HIVEP3: variants seen among roughly 807,000 people sequenced by gnomAD.
The protein encoded by HIVEP3 is transcription factor HIVEP3.
In HIVEP3, 49 loss-of-function variants were observed where a neutral mutation model predicts 152.8. The ratio of observed to expected loss-of-function variants is 0.32; its 90% confidence interval spans 0.26 to 0.41. HIVEP3 has a LOEUF of 0.41. Ranked by LOEUF, HIVEP3 falls within the 10% of genes least tolerant of loss-of-function variation. HIVEP3 has a pLI of 1.00. For synonymous variants in HIVEP3, 1,269 were observed against 1,289.0 expected (o/e 0.98, Z 0.33); for missense variants, 2,790 against 3,103.3 (o/e 0.90, Z 2.40).
intron 1 of HIVEP3, among the ~76,000 whole-genome samples, chr1:41,745,542 A>G (rs999714847): frequency 6.6e-6 from 1 of 152,214 alleles, no homozygotes; most frequent in Admixed American, 6.5e-5. Flanking sequence ...CTGACCCTGG[A>G]GACAAGGGCA....
At chr1:41,606,973 T>G (rs1444685092) in intron 3 of HIVEP3, among the ~76,000 whole-genome samples, 1 of 152,006 alleles carries the variant, frequency 6.6e-6, no homozygotes, top group Non-Finnish European at 1.5e-5. Context: ...AAAATCTGTG[T>G]GTGTTTCTTT....
chr1:42,003,992 C>A (rs979297302), intron 1 of HIVEP3, among the ~76,000 whole-genome samples: 1 of 152,136 alleles, frequency 6.6e-6, no homozygotes, highest in African/African-American at 2.4e-5. Context: ...TAAATCCGGG[C>A]AGAGTGACAA....
At chr1:41,614,429 G>A (rs1408522328) in intron 3 of HIVEP3, among the ~76,000 whole-genome samples, 1 of 152,184 alleles carries the variant, frequency 6.6e-6, no homozygotes, top group Non-Finnish European at 1.5e-5. Flanking sequence ...CATCCCAACT[G>A]CTTTGCCACC....
At chr1:41,615,675 C>T (rs1024896122) in intron 3 of HIVEP3, among the ~76,000 whole-genome samples, 2 of 152,104 alleles carry the variant, frequency 1.3e-5, no homozygotes, top group Non-Finnish European at 2.9e-5. Flanking sequence ...TCAGGGCAAG[C>T]CCGGTGGGGG....
intron 1 of HIVEP3, among the ~76,000 whole-genome samples, chr1:41,702,118 T>C (rs1321922409): frequency 6.6e-6 from 1 of 151,962 alleles, no homozygotes; most frequent in East Asian, 1.9e-4. Context: ...AATGAGATAG[T>C]AGAAAGCATC....
chr1:41,655,974 C>G (rs1193630497), intron 2 of HIVEP3, among the ~76,000 whole-genome samples: 1 of 152,174 alleles, frequency 6.6e-6, no homozygotes, highest in African/African-American at 2.4e-5. Context: ...CAAATCAGAG[C>G]AAAGCTATTT....
intron 1 of HIVEP3, among the ~76,000 whole-genome samples, chr1:41,870,386 A>G (rs1402484365): frequency 6.6e-6 from 1 of 152,200 alleles, no homozygotes; most frequent in Admixed American, 6.5e-5. Context: ...AAATAATCAC[A>G]CACACAATAC....
chr1:41,679,741 C>A (rs974343550), intron 2 of HIVEP3, among the ~76,000 whole-genome samples: 1 of 152,210 alleles, frequency 6.6e-6, no homozygotes. Flanking sequence ...TCAGCCTGCC[C>A]AGACCTGGGA....
intron 1 of HIVEP3, among the ~76,000 whole-genome samples, chr1:41,740,271 G>T (rs904983626): frequency 6.6e-6 from 1 of 152,242 alleles, no homozygotes; most frequent in African/African-American, 2.4e-5. Flanking sequence ...AGTCTCCAAG[G>T]CCATCCTGAA....
chr1:41,756,446 A>C (rs1433753209), intron 1 of HIVEP3, among the ~76,000 whole-genome samples: 3 of 152,236 alleles, frequency 2.0e-5, no homozygotes, highest in African/African-American at 7.2e-5. Flanking sequence ...CCACGGATTG[A>C]TTCCTGGTTC....
rs1645141722 is a variant in HIVEP3, at chr1:41,956,580, A to C, written n.120-38056T>G. Among the ~76,000 whole-genome samples the C allele has an allele frequency of 2.0e-5, 3 of 152,144 alleles. No individual in the cohort carries two copies. The South Asian group carries it at 6.2e-4, about 31-fold the overall frequency. ...TCACATGGTCTAAGTATTAGGATTTATTGTCTTATTTCCATGCTTGTGTTG... is the reference window on the plus strand; with the variant it reads ...TCACATGGTCTAAGTATTAGGATTTCTTGTCTTATTTCCATGCTTGTGTTG... On this transcript the variant is annotated intron_variant and non_coding_transcript_variant, in intron 1 of 3. Transcript: ENST00000489103.
chr1:41,576,312 G>C (rs1048711336), intron 4 of HIVEP3, among the ~76,000 whole-genome samples: 9 of 152,222 alleles, frequency 5.9e-5, no homozygotes, highest in African/African-American at 2.2e-4. Flanking sequence ...CAGGCACAGA[G>C]AGGCTGTGCA....
intron 1 of HIVEP3, among the ~76,000 whole-genome samples, chr1:41,799,335 G>T (rs913399824): frequency 2.0e-5 from 3 of 152,128 alleles, no homozygotes; most frequent in Non-Finnish European, 2.9e-5. Flanking sequence ...ATTCGCCCTA[G>T]AACTGTTTGT....
At chr1:41,825,339 T>C (rs1390132894) in intron 1 of HIVEP3, among the ~76,000 whole-genome samples, 3 of 152,012 alleles carry the variant, frequency 2.0e-5, no homozygotes, top group Non-Finnish European at 4.4e-5. Context: ...TATCACAAAA[T>C]ACATTATCAC....
At chr1:41,964,721 G>A (rs1025452186) in intron 1 of HIVEP3, among the ~76,000 whole-genome samples, 2 of 152,296 alleles carry the variant, frequency 1.3e-5, no homozygotes, top group South Asian at 2.1e-4. Flanking sequence ...CCAGAATGTC[G>A]GCAATTCCAG....
intron 1 of HIVEP3, among the ~76,000 whole-genome samples, chr1:41,884,085 C>T (rs1430247593): frequency 1.3e-5 from 2 of 152,156 alleles, no homozygotes; most frequent in Non-Finnish European, 2.9e-5. Context: ...CGTGCCTCAG[C>T]CTCCCTGGTA....
chr1:41,657,358 G>A (rs370799355), intron 2 of HIVEP3, among the ~76,000 whole-genome samples: 2 of 152,150 alleles, frequency 1.3e-5, no homozygotes, highest in African/African-American at 4.8e-5. Context: ...TGCTGGCCCT[G>A]GTCCCCATTC....
At chr1:41,782,310 A>G (rs1052248243) in intron 1 of HIVEP3, among the ~76,000 whole-genome samples, 1 of 152,234 alleles carries the variant, frequency 6.6e-6, no homozygotes, top group African/African-American at 2.4e-5. Flanking sequence ...GGCTGTGGGC[A>G]GAAGGGAAAG....
intron 1 of HIVEP3, among the ~76,000 whole-genome samples, chr1:41,826,876 A>G (rs536462357): frequency 1.3e-5 from 2 of 152,340 alleles, no homozygotes; most frequent in Admixed American, 1.3e-4. Context: ...TGCACTTGGT[A>G]CCCAGCTGGC....
Sources: allele counts gnomAD v4.1 joint callset (sites outside exome capture counted in the v4.1 genomes callset), GRCh38; gene constraint gnomAD v4.1.1; transcripts MANE v1.5; gene names NCBI Gene and HGNC (gene_info 2026-07-23, HGNC 2026-07-21).